SOD2: variants seen among roughly 807,000 people sequenced by gnomAD.
SOD2 encodes superoxide dismutase [Mn], mitochondrial.
A neutral mutation model predicts 27.0 loss-of-function variants in SOD2; 11 were observed. The observed-to-expected ratio is 0.41, with a 90% CI of 0.26 to 0.67. The LOEUF (loss-of-function observed/expected upper bound fraction) is 0.67, where lower values mean the gene tolerates loss of function less well. Among genes scored for constraint, SOD2 ranks in the 30% least tolerant of loss-of-function variants. The pLI is 0.34. For synonymous variants in SOD2, 105 were observed against 103.0 expected, an observed-to-expected ratio of 1.02 and a Z score of -0.12; for missense variants, 250 against 274.5, an observed-to-expected ratio of 0.91 and a Z score of 0.63.
chr6:159,689,954 C>T (rs1416651090), intron 2 of SOD2, among the ~76,000 whole-genome samples: 3 of 146,944 alleles, frequency 2.0e-5, no homozygotes, highest in African/African-American at 5.1e-5. Context: ...GGCAATACTC[C>T]GTCACAGAAA....
At chr6:159,743,526 A>G in intron 1 of SOD2, 3 of 763,410 alleles carry the variant, frequency 3.9e-6, no homozygotes, top group Non-Finnish European at 6.0e-6. Context: ...ACCAGGAAGA[A>G]ATTCGCCTGT....
In SOD2 at chr6:159,672,977, C is replaced by T. The variant is rs1779701608; in HGVS notation, c.*9516G>A. The T allele has an allele frequency of 1.3e-5, 2 of 151,948 alleles. No individual in the cohort carries two copies. The highest frequency in any genetic ancestry group is 1.3e-4 in the Admixed American group (2 of 15,246). 9.4% of individuals were successfully genotyped at this position (151,948 alleles called of 1,614,324 possible). ...GTCTCTGATAAAACAGACTTTAAAC[C>T]AACAAAGATCAAAAGAGACAAAGAA... is the stretch of plus-strand genomic sequence containing the variant. On this transcript the variant is annotated 3_prime_UTR_variant, in exon 5 of 5. Coordinates refer to ENST00000538183, the MANE Select transcript of SOD2 (RefSeq NM_000636.4).
Position 159,671,915 on chromosome 6 carries a change from A to T in SOD2, c.*10578T>A, listed in dbSNP as rs1026810825. On this transcript the variant is annotated 3_prime_UTR_variant, in exon 5 of 5. Coordinates refer to ENST00000538183, the MANE Select transcript of SOD2 (RefSeq NM_000636.4). ...TCCTTAAATGACCTGATGGAGCTGA[A>T]AACCATGGCATGAGAACTACGTGAC... The T allele has an allele frequency of 2.0e-5, 3 of 152,252 alleles. No homozygotes were observed. The highest frequency in any genetic ancestry group is 4.4e-5 in the Non-Finnish European group (3 of 68,050). The allele number at this position is 152,252 out of a possible 1,614,324, so 9.4% of individuals were successfully genotyped here. A position where few individuals can be genotyped will look rare whatever the true frequency, so the allele number is the denominator to read the frequency against.
At chr6:159,752,053 C>T (rs1426083306) in intron 1 of SOD2, among the ~76,000 whole-genome samples, 1 of 149,692 alleles carries the variant, frequency 6.7e-6, no homozygotes, top group Admixed American at 6.6e-5. Context: ...CACAGTGAGA[C>T]CCCCATCTCA....
exon 1 of SOD2, chr6:159,761,883 C>A (rs1247171031): frequency 9.4e-6 from 3 of 318,932 alleles, no homozygotes; most frequent in Non-Finnish European, 1.1e-5. Context: ...GCGCCCCGCG[C>A]CCCGCGCCCC....
intron 1 of SOD2, among the ~76,000 whole-genome samples, chr6:159,735,766 A>T (rs1778875694): frequency 6.6e-6 from 1 of 152,084 alleles, no homozygotes; most frequent in African/African-American, 2.4e-5. Context: ...ATAAAAATAA[A>T]ATATATAATA....
In SOD2 at chr6:159,736,821, TACATACACAC is replaced by T. The variant is rs749479517; in HGVS notation, c.-116+8299_-116+8308del. ...TTCCTACCTTGAGTTTAATTACTCT[TACATACACAC>T]ACATACACACACACAGTGGCTGTTA... is the stretch of plus-strand genomic sequence containing the variant. On this transcript the variant is annotated intron_variant, in intron 1 of 3. Transcript: ENST00000537657. 7 of 152,980 alleles carry T rather than the reference TACATACACAC, an allele frequency of 4.6e-5. No individual in the cohort carries two copies. In the South Asian group the frequency reaches 6.2e-4, roughly 13 times the overall value. 9.5% of individuals were successfully genotyped at this position (152,980 alleles called of 1,614,324 possible). A position where few individuals can be genotyped will look rare whatever the true frequency, so the allele number is the denominator to read the frequency against.
chr6:159,727,076 G>C (rs138376606), intron 1 of SOD2: 60 of 1,204,294 alleles, frequency 5.0e-5, no homozygotes, highest in Non-Finnish European at 6.0e-5. Context: ...TGATGCCCTG[G>C]GGCTGACCTC....
chr6:159,717,291 T>C (rs944527563), intron 1 of SOD2, among the ~76,000 whole-genome samples: 3 of 152,178 alleles, frequency 2.0e-5, no homozygotes, highest in African/African-American at 7.2e-5. Context: ...ATAATTATTT[T>C]AGAATTAGAG....
rs555130031 is a variant in SOD2, at chr6:159,688,561, T to C, written c.227-319A>G. Among the ~76,000 whole-genome samples, 618 of 152,302 alleles carry C rather than the reference T, an allele frequency of 4.1e-3. 3 individuals are homozygous for C. The highest frequency in any genetic ancestry group is 7.5e-3 in the South Asian group (36 of 4,826). On this transcript the variant is annotated intron_variant, in intron 2 of 4. Coordinates refer to ENST00000538183, the MANE Select transcript of SOD2 (RefSeq NM_000636.4). ...ATCAAAATAATAGAATGCTAAAATG[T>C]ATGGCTCAACATACAGACTGTACAG...
intron 1 of SOD2, among the ~76,000 whole-genome samples, chr6:159,706,024 A>G (rs1243232633): frequency 2.0e-5 from 3 of 152,216 alleles, no homozygotes; most frequent in Admixed American, 6.5e-5. Flanking sequence ...ACTAAGCTTC[A>G]TAAGTGAAGG....
rs1202368203 is a variant in SOD2, at chr6:159,727,122, C to G, written c.-116+7G>C. The G allele has an allele frequency of 5.9e-6, 7 of 1,195,680 alleles. No individual in the cohort carries two copies. In the African/African-American group the frequency reaches 9.6e-5, roughly 16 times the overall value. The allele number at this position is 1,195,680 out of a possible 1,614,324, so 74.1% of individuals were successfully genotyped here. On this transcript the variant is annotated splice_region_variant and intron_variant, in intron 1 of 2. Transcript: ENST00000401980. ...GGCCCGCCCCTCCCCTCGGCCGCTT[C>G]CCTTACTGAGCTTGCTGAGCTCCGG...
chr6:159,735,668 G>A (rs1778866263), intron 1 of SOD2, among the ~76,000 whole-genome samples: 1 of 152,108 alleles, frequency 6.6e-6, no homozygotes, highest in Non-Finnish European at 1.5e-5. Context: ...AGAATTGCTT[G>A]AACCCTGGAG....
At chr6:159,738,189 A>G (rs6925350) in intron 1 of SOD2, among the ~76,000 whole-genome samples, 30,242 of 152,196 alleles carry the variant, frequency 0.2, 3,149 homozygotes, top group East Asian at 0.4. Flanking sequence ...ACATATCTGA[A>G]CTATCACCAT....
chr6:159,742,328 T>C (rs1248627890), intron 1 of SOD2, among the ~76,000 whole-genome samples: 1 of 152,188 alleles, frequency 6.6e-6, no homozygotes, highest in African/African-American at 2.4e-5. Flanking sequence ...GTCTCAGTCA[T>C]TGGAGAAGAC....
At chr6:159,761,909 C>T (rs2114971526) in exon 1 of SOD2, 1 of 604,024 alleles carries the variant, frequency 1.7e-6, no homozygotes, top group South Asian at 2.3e-5. Context: ...CCTCCGCCCG[C>T]CCCTGCTCCG....
At chr6:159,695,080 G>C (rs1777396774), upstream of SOD2, among the ~76,000 whole-genome samples, 1 of 152,106 alleles carries the variant, frequency 6.6e-6, no homozygotes, top group Admixed American at 6.5e-5. Flanking sequence ...TGGTACATTC[G>C]TCTCAGCAGG....
At chr6:159,726,980 C>A in intron 1 of SOD2, 1 of 1,280,806 alleles carries the variant, frequency 7.8e-7, no homozygotes, top group Non-Finnish European at 1.0e-6. Flanking sequence ...CGGCCAATCA[C>A]GCGCCGCCTT....
chr6:159,751,040 A>G (rs1779801357), intron 1 of SOD2, among the ~76,000 whole-genome samples: 1 of 152,258 alleles, frequency 6.6e-6, no homozygotes, highest in African/African-American at 2.4e-5. Context: ...TTAGAGGTAT[A>G]TCTTTCAAAG....
Sources: gnomAD v4.1 joint callset for allele counts (sites outside exome capture counted in the v4.1 genomes callset) on GRCh38, gnomAD v4.1.1 for gene constraint, MANE v1.5 for transcripts, NCBI Gene and HGNC (gene_info 2026-07-23, HGNC 2026-07-21) for gene names.